Variants in PIWIL2 observed in about 807,000 individuals in gnomAD.
PIWIL2 encodes piwi-like protein 2.
PIWIL2 carries 81 observed loss-of-function variants against 116.5 expected under a neutral mutation model. The ratio of observed to expected loss-of-function variants is 0.70; its 90% CI spans 0.58 to 0.84. The LOEUF (loss-of-function observed/expected upper bound fraction) is 0.84, where lower values mean the gene tolerates loss of function less well. Ranked by LOEUF, PIWIL2 falls within the 40% of genes least tolerant of loss-of-function variation. The pLI, the probability that PIWIL2 is intolerant of heterozygous loss-of-function variation, is 0.00. For missense variants in PIWIL2, 1,272 were observed against 1,212.3 expected (o/e 1.05, Z -0.73); for synonymous variants, 489 against 429.5 (o/e 1.14, Z -1.71).
intron 4 of PIWIL2, 24 bp from the exon 5 acceptor site, chr8:22,283,010 T>C (rs761165021): frequency 1.7e-5 from 27 of 1,588,800 alleles, no homozygotes; most frequent in Non-Finnish European, 2.1e-5. Flanking sequence ...AAAACCCTGA[T>C]TTGCCTCTCT....
At chr8:22,311,042 A>T in intron 15 of PIWIL2, 70 bp from the exon 16 acceptor site, 1 of 1,288,742 alleles carries the variant, frequency 7.8e-7, no homozygotes, top group Admixed American at 2.2e-5. Flanking sequence ...ATTCTCTAGA[A>T]TGAAATCTTA....
rs186284597 is a variant in PIWIL2, at chr8:22,296,124, C to G, written c.1181+5778C>G. Among the ~76,000 whole-genome samples, 479 of 148,028 alleles carry G rather than the reference C, an allele frequency of 3.2e-3. 3 individuals carry two copies. The highest frequency in any genetic ancestry group is 0.011 in the African/African-American group (458 of 40,124). ...AGGCTAGAGTGCAGTGGTGCGATCT[C>G]GGCTCACTGCAACTTCCACCTCCCA... On this transcript the variant is annotated intron_variant, in intron 10 of 22. Coordinates refer to ENST00000356766, the MANE Select transcript of PIWIL2 (RefSeq NM_018068.5).
chr8:22,355,277 A>G (rs1832463912), intron 22 of PIWIL2, 72 bp from the exon 23 acceptor site: 7 of 1,454,878 alleles, frequency 4.8e-6, no homozygotes, highest in South Asian at 2.3e-5. Context: ...CCCCGTGACT[A>G]TTGTATTGTA....
intron 6 of PIWIL2, among the ~76,000 whole-genome samples, chr8:22,287,246 C>G (rs997636480): frequency 4.6e-5 from 7 of 152,172 alleles, no homozygotes; most frequent in African/African-American, 1.7e-4. Context: ...GACTCCGTCT[C>G]AAAAACAAAT....
chr8:22,323,891 C>T (rs1286933394), intron 20 of PIWIL2, among the ~76,000 whole-genome samples: 1 of 152,184 alleles, frequency 6.6e-6, no homozygotes, highest in Non-Finnish European at 1.5e-5. Flanking sequence ...GGCTTTACCC[C>T]TTTAGGCATC....
At chr8:22,294,522 T>A (rs1413020774) in intron 10 of PIWIL2, among the ~76,000 whole-genome samples, 1 of 149,338 alleles carries the variant, frequency 6.7e-6, no homozygotes, top group Non-Finnish European at 1.5e-5. Context: ...GCACCTGTAG[T>A]CCCAGCTACT....
chr8:22,350,582 A>G (rs11783123), intron 20 of PIWIL2, among the ~76,000 whole-genome samples: 77,309 of 151,982 alleles, frequency 0.51, 21,213 homozygotes, highest in East Asian at 0.82. Context: ...CGGCAAGAGC[A>G]TGAGACCCCA....
intron 22 of PIWIL2, among the ~76,000 whole-genome samples, chr8:22,354,798 G>T (rs59283125): frequency 3.3e-5 from 5 of 152,116 alleles, no homozygotes; most frequent in African/African-American, 1.2e-4. Context: ...GGCTGGGTGC[G>T]GTGGCTCACG....
intron 19 of PIWIL2, among the ~76,000 whole-genome samples, chr8:22,317,251 T>G (rs1375791961): frequency 2.6e-5 from 4 of 152,196 alleles, no homozygotes; most frequent in Non-Finnish European, 5.9e-5. Flanking sequence ...ATCCCAAATA[T>G]CTGCAGAAAT....
intron 14 of PIWIL2, among the ~76,000 whole-genome samples, chr8:22,309,723 C>T (rs1047754786): frequency 6.6e-6 from 1 of 152,190 alleles, no homozygotes; most frequent in Non-Finnish European, 1.5e-5. Flanking sequence ...CTTGGGATAT[C>T]ATGTGGAAGC....
Position 22,305,909 on chromosome 8 carries a change from T to C in PIWIL2, c.1456-18T>C. 1 of 1,598,248 alleles carries C rather than the reference T, an allele frequency of 6.3e-7. No individual in the cohort carries two copies. Among genetic ancestry groups the C allele is most frequent in the Non-Finnish European group, 8.6e-7 (1 of 1,165,636 alleles). On this transcript the variant is annotated intron_variant, in intron 12 of 22. Transcript: ENST00000356766. Reference sequence around the variant, plus strand: ...CTCTTGTACTGCCTTATTTTCCCTCTTCGTTCTCTCTTCAAAGCTGCTAAA... The same window carrying C: ...CTCTTGTACTGCCTTATTTTCCCTCCTCGTTCTCTCTTCAAAGCTGCTAAA...
At chr8:22,304,716 C>G (rs1212060614) in intron 11 of PIWIL2, 68 bp from the exon 12 acceptor site, 3 of 887,104 alleles carry the variant, frequency 3.4e-6, no homozygotes, top group Non-Finnish European at 5.7e-6. Flanking sequence ...TTAAGAGACT[C>G]AGACTATGGT....
At chr8:22,302,569 G>A (rs1304905572) in intron 10 of PIWIL2, among the ~76,000 whole-genome samples, 1 of 152,026 alleles carries the variant, frequency 6.6e-6, no homozygotes, top group Non-Finnish European at 1.5e-5. Flanking sequence ...TGATGTCTTT[G>A]CTCGGTTTTT....
At chr8:22,307,414 A>G (rs1831209024) in intron 13 of PIWIL2, among the ~76,000 whole-genome samples, 1 of 151,812 alleles carries the variant, frequency 6.6e-6, no homozygotes, top group African/African-American at 2.4e-5. Context: ...TGAGAAAGAA[A>G]TAAGATCCAC....
intron 10 of PIWIL2, among the ~76,000 whole-genome samples, chr8:22,303,200 C>A (rs1218875994): frequency 6.6e-6 from 1 of 151,982 alleles, no homozygotes; most frequent in Non-Finnish European, 1.5e-5. Context: ...ATTGTGGTAA[C>A]CTATAGATGT....
At chr8:22,335,099 C>A (rs535874047) in intron 20 of PIWIL2, among the ~76,000 whole-genome samples, 1 of 148,356 alleles carries the variant, frequency 6.7e-6, no homozygotes, top group African/African-American at 2.5e-5. Flanking sequence ...AAAAGGACCA[C>A]TAAGAAAATA....
chr8:22,332,701 A>G (rs906612121), intron 20 of PIWIL2, among the ~76,000 whole-genome samples: 1 of 152,148 alleles, frequency 6.6e-6, no homozygotes, highest in Non-Finnish European at 1.5e-5. Context: ...AAGCACTAAA[A>G]GAAAGTAACT....
chr8:22,288,839 A>G (rs1010211999), intron 8 of PIWIL2, among the ~76,000 whole-genome samples, 173 bp downstream of exon 8: 2 of 152,236 alleles, frequency 1.3e-5, no homozygotes, highest in African/African-American at 4.8e-5. Context: ...TTATCTCACA[A>G]GTGGTAGACC....
intron 14 of PIWIL2, among the ~76,000 whole-genome samples, chr8:22,309,119 G>A (rs982668228): frequency 2.6e-5 from 4 of 151,584 alleles, no homozygotes; most frequent in Admixed American, 6.6e-5. Context: ...GTGCCACCAC[G>A]TCCGGCTAAT....
Sources: allele counts gnomAD v4.1 joint callset (sites outside exome capture counted in the v4.1 genomes callset), GRCh38; gene constraint gnomAD v4.1.1; transcripts MANE v1.5; gene names NCBI Gene and HGNC (gene_info 2026-07-23, HGNC 2026-07-21).